B4GALT5: variants seen among roughly 807,000 people sequenced by gnomAD.
B4GALT5 encodes UDP-Gal:beta-GlcNAc beta-1,4-galactosyltransferase 5.
In B4GALT5, 11 loss-of-function variants were observed where a neutral mutation model predicts 45.0. The observed-to-expected ratio is 0.24, with a 90% CI of 0.15 to 0.40. The LOEUF (loss-of-function observed/expected upper bound fraction) is 0.40, where lower values mean the gene tolerates loss of function less well. Ranked by LOEUF, B4GALT5 falls within the 10% of genes least tolerant of loss-of-function variation. The pLI, the probability that B4GALT5 is intolerant of heterozygous loss-of-function variation, is 1.00. For missense variants in B4GALT5, 337 were observed against 500.2 expected (o/e 0.67, Z 3.11); for synonymous variants, 185 against 182.9 (o/e 1.01, Z -0.09).
chr20:49,670,910 A>C (rs1460835644), intron 1 of B4GALT5, among the ~76,000 whole-genome samples: 2 of 152,210 alleles, frequency 1.3e-5, no homozygotes, highest in Non-Finnish European at 1.5e-5. Flanking sequence ...ATAATTGGAT[A>C]AATAACAAAT....
chr20:49,688,428 G>A (rs1241346008), intron 1 of B4GALT5, among the ~76,000 whole-genome samples: 1 of 152,188 alleles, frequency 6.6e-6, no homozygotes, highest in Non-Finnish European at 1.5e-5. Flanking sequence ...CTTCCAAAGA[G>A]TAGAGGCAAA....
intron 1 of B4GALT5, among the ~76,000 whole-genome samples, chr20:49,707,530 C>G (rs1488108790): frequency 6.6e-6 from 1 of 151,894 alleles, no homozygotes; most frequent in African/African-American, 2.4e-5. Context: ...AGGCTATTTT[C>G]AGACTACACT....
At chr20:49,707,397 A>G (rs1323356105) in intron 1 of B4GALT5, among the ~76,000 whole-genome samples, 3 of 152,094 alleles carry the variant, frequency 2.0e-5, no homozygotes, top group Non-Finnish European at 2.9e-5. Flanking sequence ...TTCACGGGAT[A>G]AGGCTCTTTA....
chr20:49,698,241 T>C (rs1225866063), intron 1 of B4GALT5, among the ~76,000 whole-genome samples: 1 of 152,002 alleles, frequency 6.6e-6, no homozygotes, highest in East Asian at 1.9e-4. Context: ...GAGAATTGCT[T>C]GAACCTGGAA....
intron 6 of B4GALT5, 151 bp downstream of exon 6, chr20:49,640,327 A>G: frequency 1.5e-6 from 1 of 657,268 alleles, no homozygotes; most frequent in Non-Finnish European, 2.4e-6. Flanking sequence ...TTCTCCTGCC[A>G]AACAGTGCTC....
At chr20:49,657,089 T>A (rs2085646634) in intron 1 of B4GALT5, among the ~76,000 whole-genome samples, 1 of 152,178 alleles carries the variant, frequency 6.6e-6, no homozygotes, top group Non-Finnish European at 1.5e-5. Context: ...CTTCTCAGAA[T>A]TAGTTCATGG....
At chr20:49,654,266 T>C (rs2085633213) in intron 2 of B4GALT5, among the ~76,000 whole-genome samples, 1 of 152,118 alleles carries the variant, frequency 6.6e-6, no homozygotes, top group African/African-American at 2.4e-5. Flanking sequence ...TTATATGTAC[T>C]ATGTGTGAAA....
At chr20:49,666,125 A>C (rs2085689682) in intron 1 of B4GALT5, among the ~76,000 whole-genome samples, 1 of 152,200 alleles carries the variant, frequency 6.6e-6, no homozygotes, top group African/African-American at 2.4e-5. Context: ...CTCCAGATTA[A>C]GGACTGAACT....
intron 1 of B4GALT5, among the ~76,000 whole-genome samples, chr20:49,688,575 G>A (rs1024731947): frequency 6.6e-6 from 1 of 152,078 alleles, no homozygotes; most frequent in Non-Finnish European, 1.5e-5. Flanking sequence ...ATCTAGGGTC[G>A]CTACAATTTT....
chr20:49,712,746 C>A (rs1474167049), intron 1 of B4GALT5, among the ~76,000 whole-genome samples: 1 of 150,494 alleles, frequency 6.6e-6, no homozygotes, highest in African/African-American at 2.5e-5. Flanking sequence ...CACCCCTTCC[C>A]CAGGTCTTCA....
intron 1 of B4GALT5, among the ~76,000 whole-genome samples, chr20:49,702,734 G>A (rs2085867441): frequency 6.6e-6 from 1 of 151,768 alleles, no homozygotes; most frequent in Non-Finnish European, 1.5e-5. Flanking sequence ...ACGCACTGGT[G>A]GTCTCAGCTG....
chr20:49,694,126 T>C (rs1450216502), intron 1 of B4GALT5, among the ~76,000 whole-genome samples: 1 of 152,200 alleles, frequency 6.6e-6, no homozygotes, highest in Non-Finnish European at 1.5e-5. Flanking sequence ...TACTTTTTAT[T>C]AACACCCTAA....
Position 49,653,237 on chromosome 20 carries a change from T to C in B4GALT5, c.250+3331A>G, listed in dbSNP as rs202097251. Among the ~76,000 whole-genome samples the C allele has an allele frequency of 3.9e-5, 6 of 152,190 alleles. No homozygotes were observed. In the East Asian group the frequency reaches 9.6e-4, roughly 24 times the overall value. ...TTGAGTATTTTTTTCAAGTGTCGTGTTGGCACTCAAGGTTTCATCATGTGT... is the reference window on the plus strand; with the variant it reads ...TTGAGTATTTTTTTCAAGTGTCGTGCTGGCACTCAAGGTTTCATCATGTGT... On this transcript the variant is annotated intron_variant, in intron 2 of 8. Transcript: ENST00000371711.
At chr20:49,708,117 C>T (rs999248153) in intron 1 of B4GALT5, among the ~76,000 whole-genome samples, 7 of 150,600 alleles carry the variant, frequency 4.6e-5, no homozygotes, top group Non-Finnish European at 8.9e-5. Flanking sequence ...TGGTGGCAGG[C>T]GCCTGTAATC....
Position 49,637,051 on chromosome 20 carries a change from T to C in B4GALT5, c.1019+290A>G, listed in dbSNP as rs235036. On this transcript the variant is annotated intron_variant, in intron 8 of 8. Transcript: ENST00000371711. ...TGCTCTGTCACCTCAGGGACCTTCA[T>C]CCAAGCTGTTTCTTCCCAAATTCCC... Among the ~76,000 whole-genome samples the C allele has an allele frequency of 0.47, 70,975 of 151,864 alleles. 17,562 individuals carry two copies. Among genetic ancestry groups the C allele is most frequent in the South Asian group, 0.65 (3,140 of 4,802 alleles).
intron 7 of B4GALT5, 50 bp from the exon 8 acceptor site, chr20:49,637,492 G>A (rs1336170870): frequency 1.5e-6 from 2 of 1,378,156 alleles, no homozygotes; most frequent in Non-Finnish European, 1.0e-6. Context: ...TAATAGCCCA[G>A]GAGTGACCAA....
At chr20:49,639,922 G>A (rs2085568881) in intron 6 of B4GALT5, 122 bp from the exon 7 acceptor site, 1 of 1,328,744 alleles carries the variant, frequency 7.5e-7, no homozygotes, top group East Asian at 2.5e-5. Flanking sequence ...CCATATGAAT[G>A]TATCAAATTA....
Position 49,708,931 on chromosome 20 carries a change from C to CA in B4GALT5, c.115+4644dup, listed in dbSNP as rs71186472. 5.2e-3 allele frequency among the ~76,000 whole-genome samples: 704 copies of CA among 135,974 alleles called. 7 individuals are homozygous for CA. Among genetic ancestry groups the CA allele is most frequent in the African/African-American group, 0.017 (633 of 36,542 alleles). The allele number at this position is 135,974 out of a possible 152,430, so 89.2% of individuals were successfully genotyped here. The stretch of plus-strand genomic sequence containing the variant: ...TGGGCAACAGAGCGAGACTCCATCT[C>CA]AAAAAAAAAAAAAAAAAGTCATCAA... On this transcript the variant is annotated intron_variant, in intron 1 of 8. Transcript: ENST00000371711.
At chr20:49,683,711 A>G (rs1352172196) in intron 1 of B4GALT5, among the ~76,000 whole-genome samples, 1 of 151,988 alleles carries the variant, frequency 6.6e-6, no homozygotes, top group Non-Finnish European at 1.5e-5. Flanking sequence ...CGCCCGGCCT[A>G]GACAGGTTTA....
Sources: gnomAD v4.1 joint callset for allele counts (sites outside exome capture counted in the v4.1 genomes callset) on GRCh38, gnomAD v4.1.1 for gene constraint, MANE v1.5 for transcripts, NCBI Gene and HGNC (gene_info 2026-07-23, HGNC 2026-07-21) for gene names.